The following RAB38 variants were observed in gnomAD, a reference collection of about 807,000 sequenced individuals.
RAB38 encodes the protein RAB38, member RAS oncogene family, also known as ras-related protein Rab-38.
A neutral mutation model predicts 18.4 loss-of-function variants in RAB38; 15 were observed. The observed-to-expected ratio is 0.82, with a 90% CI of 0.55 to 1.26. The LOEUF (loss-of-function observed/expected upper bound fraction) is 1.26, where lower values mean the gene tolerates loss of function less well. Ranked by LOEUF, RAB38 falls within the 50% of genes most tolerant of loss-of-function variation. The probability of loss-of-function intolerance (pLI) is 0.00; values close to 1 mark genes in which losing one functional copy is unlikely to be tolerated. For missense variants in RAB38, 294 were observed against 267.4 expected (o/e 1.10, Z -0.69); for synonymous variants, 101 against 104.4 (o/e 0.97, Z 0.20).
At chr11:88,024,524 C>T in the RAB38 span, among the ~76,000 whole-genome samples, 66 of 152,248 alleles carry the variant, frequency 4.3e-4, no homozygotes, top group East Asian at 7.7e-4. Flanking sequence ...CCAGCAATTC[C>T]GTTGCTGGGT....
downstream of RAB38, among the ~76,000 whole-genome samples, chr11:88,113,053 T>A (rs916132128): frequency 6.6e-6 from 1 of 152,046 alleles, no homozygotes; most frequent in Non-Finnish European, 1.5e-5. Flanking sequence ...GTAGCCTAAA[T>A]GTCAATATGA....
chr11:87,836,647 G>A, the RAB38 span, among the ~76,000 whole-genome samples: 1 of 152,146 alleles, frequency 6.6e-6, no homozygotes, highest in Non-Finnish European at 1.5e-5. Flanking sequence ...TGGTTCTGGA[G>A]AGCATTTAAA....
At chr11:87,839,741 G>A in the RAB38 span, among the ~76,000 whole-genome samples, 1 of 152,186 alleles carries the variant, frequency 6.6e-6, no homozygotes, top group Non-Finnish European at 1.5e-5. Flanking sequence ...AGAAGATAGA[G>A]ATTTATCTGA....
At chr11:88,090,594 AG>A in the RAB38 span, among the ~76,000 whole-genome samples, 1 of 118,342 alleles carries the variant, frequency 8.5e-6, no homozygotes, top group Non-Finnish European at 1.9e-5. Flanking sequence ...AGTAACAATG[AG>A]AAAAAAAAAT....
At chr11:87,860,029 C>A in the RAB38 span, among the ~76,000 whole-genome samples, 1 of 152,096 alleles carries the variant, frequency 6.6e-6, no homozygotes, top group African/African-American at 2.4e-5. Context: ...AAAGCTCATG[C>A]TCCTCCCTAA....
At chr11:87,816,591 G>A in the RAB38 span, 1 of 151,892 alleles carries the variant, frequency 6.6e-6, no homozygotes, top group East Asian at 1.9e-4. Context: ...TCTCCTCATT[G>A]TTATATGCTA....
the RAB38 span, among the ~76,000 whole-genome samples, chr11:87,832,048 G>A: frequency 1.3e-5 from 2 of 152,180 alleles, no homozygotes; most frequent in South Asian, 4.1e-4. Context: ...GACATGAGCT[G>A]AAGGCCTGGT....
At chr11:88,027,421 T>C in the RAB38 span, among the ~76,000 whole-genome samples, 1 of 152,106 alleles carries the variant, frequency 6.6e-6, no homozygotes, top group Non-Finnish European at 1.5e-5. Flanking sequence ...GGGTGAGGCA[T>C]TGCCTCACCT....
the RAB38 span, among the ~76,000 whole-genome samples, chr11:87,936,233 T>C: frequency 6.6e-6 from 1 of 152,084 alleles, no homozygotes; most frequent in Non-Finnish European, 1.5e-5. Flanking sequence ...ACTTACAAGA[T>C]TTTTTCTTAT....
At chr11:87,941,243 A>ATATATATATATG in the RAB38 span, among the ~76,000 whole-genome samples, 1 of 133,712 alleles carries the variant, frequency 7.5e-6, no homozygotes, top group Non-Finnish European at 1.6e-5. Context: ...ATATATATAT[A>ATATATATATATG]TATGTAACTT....
chr11:88,089,120 A>C, the RAB38 span, among the ~76,000 whole-genome samples: 2 of 151,980 alleles, frequency 1.3e-5, no homozygotes, highest in Non-Finnish European at 2.9e-5. Flanking sequence ...TTAACAAATA[A>C]ATACCTTCCT....
chr11:88,019,543 A>G, the RAB38 span, among the ~76,000 whole-genome samples: 1 of 152,146 alleles, frequency 6.6e-6, no homozygotes, highest in Non-Finnish European at 1.5e-5. Context: ...AAATCATATA[A>G]TATCATTCCC....
the RAB38 span, among the ~76,000 whole-genome samples, chr11:87,919,304 T>C: frequency 6.6e-6 from 1 of 152,032 alleles, no homozygotes; most frequent in Non-Finnish European, 1.5e-5. Flanking sequence ...GTTGTGAGTT[T>C]TTATCATGAA....
the RAB38 span, among the ~76,000 whole-genome samples, chr11:87,828,382 T>C: frequency 6.6e-6 from 1 of 152,222 alleles, no homozygotes; most frequent in African/African-American, 2.4e-5. Flanking sequence ...TATTTTAAGT[T>C]TGATACTCAT....
the RAB38 span, among the ~76,000 whole-genome samples, chr11:88,075,904 A>G: frequency 1.3e-5 from 2 of 151,866 alleles, no homozygotes; most frequent in African/African-American, 4.8e-5. Context: ...CAAAAAAAAA[A>G]AAGCAGAAAA....
At chr11:87,823,738 C>T in the RAB38 span, among the ~76,000 whole-genome samples, 1 of 151,974 alleles carries the variant, frequency 6.6e-6, no homozygotes, top group African/African-American at 2.4e-5. Context: ...ACACTGAAAA[C>T]CACCCAAATG....
the RAB38 span, among the ~76,000 whole-genome samples, chr11:88,014,232 G>A: frequency 7.2e-3 from 1,097 of 152,132 alleles, 14 homozygotes; most frequent in African/African-American, 0.025. Context: ...TGCATGTTAC[G>A]GATGAGGAAA....
the RAB38 span, among the ~76,000 whole-genome samples, chr11:88,104,205 G>A: frequency 6.6e-6 from 1 of 151,976 alleles, no homozygotes; most frequent in East Asian, 1.9e-4. Flanking sequence ...GGCTTTTCCC[G>A]GCATTTGCTA....
chr11:87,968,970 C>T, the RAB38 span, among the ~76,000 whole-genome samples: 9 of 152,080 alleles, frequency 5.9e-5, no homozygotes, highest in East Asian at 1.9e-4. Flanking sequence ...TTTGGGTGCT[C>T]GTTACACTAA....
Sources: gnomAD v4.1 joint callset for allele counts (sites outside exome capture counted in the v4.1 genomes callset) on GRCh38, gnomAD v4.1.1 for gene constraint, MANE v1.5 for transcripts, NCBI Gene and HGNC (gene_info 2026-07-23, HGNC 2026-07-21) for gene names.